The following PCDHA5 variants were observed in gnomAD, a reference collection of about 807,000 sequenced individuals.
PCDHA5 encodes protocadherin alpha-5.
A neutral mutation model predicts 61.6 loss-of-function variants in PCDHA5; 43 were observed. The ratio of observed to expected loss-of-function variants is 0.70; its 90% confidence interval spans 0.55 to 0.90. PCDHA5 has a LOEUF of 0.90. PCDHA5 is among the 40% of genes least tolerant of loss of function. The probability of loss-of-function intolerance (pLI) is 0.00; values close to 1 mark genes in which losing one functional copy is unlikely to be tolerated. For synonymous variants in PCDHA5, 627 were observed against 543.9 expected, an observed-to-expected ratio of 1.15 and a Z score of -2.13; for missense variants, 1,298 against 1,222.7, an observed-to-expected ratio of 1.06 and a Z score of -0.92.
At chr5:140,827,272 C>T (rs868912069) in intron 1 of PCDHA5, among the ~76,000 whole-genome samples, 1 of 152,146 alleles carries the variant, frequency 6.6e-6, no homozygotes, top group African/African-American at 2.4e-5. Context: ...CATTTAGGAA[C>T]AGCTGAAGAA....
intron 1 of PCDHA5, among the ~76,000 whole-genome samples, chr5:140,965,377 A>T (rs1479954226): frequency 6.6e-6 from 1 of 152,190 alleles, no homozygotes; most frequent in African/African-American, 2.4e-5. Context: ...AAACTTGGGG[A>T]CACAGAAGAA....
Position 140,883,404 on chromosome 5 carries a change from C to G in PCDHA5, c.2352+59277C>G, listed in dbSNP as rs199942713. On this transcript the variant is annotated intron_variant, in intron 1 of 3. Transcript: ENST00000529859. ...CTAATCAGTGTGTCCGATCGTGACT[C>G]TGGCTCAAATGGACAGGTCACCTGC... 3 of 1,614,104 alleles carry G rather than the reference C, an allele frequency of 1.9e-6. No homozygotes were observed. The African/African-American group carries it at 4.0e-5, about 22-fold the overall frequency.
chr5:140,835,647 G>A, intron 1 of PCDHA5: 1 of 1,613,958 alleles, frequency 6.2e-7, no homozygotes, highest in Non-Finnish European at 8.5e-7. Context: ...GTCCGCCTAT[G>A]AGCTGGTGGT....
intron 1 of PCDHA5, chr5:140,835,625 C>T: frequency 6.2e-7 from 1 of 1,613,902 alleles, no homozygotes; most frequent in Non-Finnish European, 8.5e-7. Flanking sequence ...GCGCTCTGGA[C>T]CGCGAGAGTG....
chr5:140,870,319 T>C (rs782623881), intron 1 of PCDHA5: 3 of 1,614,162 alleles, frequency 1.9e-6, no homozygotes, highest in Non-Finnish European at 2.5e-6. Context: ...TTACTACTCG[T>C]TGGTGCTGGA....
intron 1 of PCDHA5, among the ~76,000 whole-genome samples, chr5:140,897,748 C>G (rs565250286): frequency 6.6e-5 from 10 of 152,214 alleles, no homozygotes; most frequent in Non-Finnish European, 1.5e-4. Flanking sequence ...GTTCTAGATC[C>G]CTGAGGAATC....
rs782372222 is a variant in PCDHA5 at position 140,876,213 on chromosome 5, T to C, written c.2352+52086T>C. 11 of 1,613,846 alleles carry C rather than the reference T, an allele frequency of 6.8e-6. No homozygotes were observed. The Admixed American group carries it at 8.3e-5, about 12-fold the overall frequency. On this transcript the variant is annotated intron_variant, in intron 1 of 3. Coordinates refer to ENST00000529859, the MANE Select transcript of PCDHA5 (RefSeq NM_018908.3). The stretch of plus-strand genomic sequence containing the variant: ...GTCCGGCGTTTGATAAGCCCAGCTA[T>C]AAAGTAGTGTTGTCTGAAAATGTCC...
intron 1 of PCDHA5, among the ~76,000 whole-genome samples, chr5:140,885,620 G>A (rs1480920354): frequency 1.3e-5 from 2 of 152,120 alleles, no homozygotes; most frequent in Non-Finnish European, 2.9e-5. Context: ...TATAAAATAT[G>A]TCACTGGATT....
At chr5:140,838,280 A>ATT (rs2150286950) in intron 1 of PCDHA5, among the ~76,000 whole-genome samples, 8,551 of 139,516 alleles carry the variant, frequency 0.061, 861 homozygotes, top group African/African-American at 0.2. Flanking sequence ...AGCCATGCTA[A>ATT]TTTTTTTTTT....
intron 3 of PCDHA5, among the ~76,000 whole-genome samples, chr5:141,006,017 G>A (rs139294218): frequency 1.3e-5 from 2 of 151,190 alleles, no homozygotes; most frequent in African/African-American, 4.8e-5. Context: ...TATGGTTGGA[G>A]TATAATAGTA....
At chr5:140,857,011 T>G in intron 1 of PCDHA5, 1 of 1,596,152 alleles carries the variant, frequency 6.3e-7, no homozygotes, top group Non-Finnish European at 8.6e-7. Flanking sequence ...ATGTAGATGT[T>G]ACAGATAAGG....
intron 1 of PCDHA5, among the ~76,000 whole-genome samples, chr5:140,846,369 CTTTCTTTTTTTT>C (rs1156484325): frequency 9.8e-6 from 1 of 102,192 alleles, no homozygotes; most frequent in Non-Finnish European, 2.0e-5. Flanking sequence ...TCTTTTCTTT[CTTTCTTTTTTTT>C]TTTTTTTTTT....
At chr5:140,836,032 C>G (rs2150251120) in intron 1 of PCDHA5, 1 of 1,613,416 alleles carries the variant, frequency 6.2e-7, no homozygotes, top group African/African-American at 1.3e-5. Context: ...AGCAACGTGA[C>G]GCTGCAGGTG....
intron 1 of PCDHA5, among the ~76,000 whole-genome samples, chr5:140,899,689 C>A (rs1033793263): frequency 4.6e-5 from 7 of 152,254 alleles, no homozygotes; most frequent in Admixed American, 4.6e-4. Flanking sequence ...ATGATGCTGG[C>A]CTCATAAAAT....
At chr5:140,850,006 T>G (rs2150463121) in intron 1 of PCDHA5, 1 of 1,596,968 alleles carries the variant, frequency 6.3e-7, no homozygotes, top group Non-Finnish European at 8.6e-7. Flanking sequence ...GAGCGCTCGC[T>G]GTCGAGCTAC....
At chr5:140,863,771 G>A (rs557463364) in intron 1 of PCDHA5, 111 of 240,518 alleles carry the variant, frequency 4.6e-4, no homozygotes, top group Non-Finnish European at 7.8e-4. Context: ...AGCCGAGGCG[G>A]GCGGATCACT....
chr5:140,941,191 T>TTTC (rs1487503403), intron 1 of PCDHA5, among the ~76,000 whole-genome samples: 199 of 93,252 alleles, frequency 2.1e-3, no homozygotes, highest in Middle Eastern at 0.015. Flanking sequence ...GCTTCTTTTT[T>TTTC]TTTCTTTCTT....
intron 1 of PCDHA5, chr5:140,857,918 G>T (rs1243844248): frequency 6.3e-7 from 1 of 1,597,708 alleles, no homozygotes; most frequent in Non-Finnish European, 8.6e-7. Context: ...GTTTCGCGTG[G>T]GGCTGTACAC....
intron 1 of PCDHA5, chr5:140,877,161 G>A: frequency 6.2e-7 from 1 of 1,613,828 alleles, no homozygotes; most frequent in South Asian, 1.1e-5. Context: ...ACAACGCGCC[G>A]GCACTGCTGG....
Sources: gnomAD v4.1 joint callset for allele counts (sites outside exome capture counted in the v4.1 genomes callset) on GRCh38, gnomAD v4.1.1 for gene constraint, MANE v1.5 for transcripts, NCBI Gene and HGNC (gene_info 2026-07-23, HGNC 2026-07-21) for gene names.